The following TRHDE variants were observed in gnomAD, a reference collection of about 807,000 sequenced individuals.
The protein encoded by TRHDE is thyrotropin-releasing hormone-degrading ectoenzyme.
In TRHDE, 72 loss-of-function variants were observed where a neutral mutation model predicts 125.7. The observed-to-expected ratio is 0.57, with a 90% CI of 0.47 to 0.70. The LOEUF (loss-of-function observed/expected upper bound fraction) is 0.70. Ranked by LOEUF, TRHDE falls within the 30% of genes least tolerant of loss-of-function variation. TRHDE has a pLI of 0.00. For missense variants in TRHDE, 1,110 were observed against 1,327.1 expected (o/e 0.84, Z 2.54); for synonymous variants, 509 against 509.1 (o/e 1.00, Z 0.00).
chr12:72,607,547 TTTTC>T (rs1288255184), intron 12 of TRHDE, among the ~76,000 whole-genome samples: 4 of 152,132 alleles, frequency 2.6e-5, no homozygotes, highest in African/African-American at 9.6e-5. Flanking sequence ...TCCTTGATGG[TTTTC>T]TTTATTTTTC....
intron 2 of TRHDE, among the ~76,000 whole-genome samples, chr12:72,172,467 C>A (rs940352060): frequency 6.6e-6 from 1 of 152,188 alleles, no homozygotes; most frequent in Non-Finnish European, 1.5e-5. Flanking sequence ...CCTGTACAAG[C>A]AGTGCCTATA....
intron 3 of TRHDE, among the ~76,000 whole-genome samples, chr12:72,444,528 ACATCCTG>A (rs773314167): frequency 5.1e-4 from 78 of 151,976 alleles, no homozygotes; most frequent in Admixed American, 9.2e-4. Flanking sequence ...ACCAAGAAGT[ACATCCTG>A]CTAAACTTTA....
intron 2 of TRHDE, among the ~76,000 whole-genome samples, chr12:72,260,683 G>C (rs566231526): frequency 7.1e-4 from 108 of 152,304 alleles, no homozygotes; most frequent in Admixed American, 1.2e-3. Context: ...GTGCTGGGCA[G>C]GGAAGAGGAC....
intron 2 of TRHDE, among the ~76,000 whole-genome samples, chr12:72,195,930 G>A (rs12829440): frequency 0.044 from 6,715 of 152,060 alleles, 208 homozygotes; most frequent in South Asian, 0.11. Flanking sequence ...GTCCAGTTTC[G>A]TTCTTCTGCA....
At chr12:72,213,034 A>G (rs12300509) in intron 2 of TRHDE, among the ~76,000 whole-genome samples, 19,862 of 152,188 alleles carry the variant, frequency 0.13, 2,027 homozygotes, top group African/African-American at 0.28. Flanking sequence ...ATGCTACAAT[A>G]TAGATAAACC....
intron 15 of TRHDE, among the ~76,000 whole-genome samples, chr12:72,644,105 G>C (rs1874180695): frequency 6.6e-6 from 1 of 152,110 alleles, no homozygotes; most frequent in East Asian, 1.9e-4. Flanking sequence ...CAATTTATGG[G>C]CATATTCCCT....
intron 6 of TRHDE, among the ~76,000 whole-genome samples, chr12:72,523,093 C>T (rs991288242): frequency 2.6e-4 from 39 of 152,096 alleles, no homozygotes; most frequent in African/African-American, 9.4e-4. Flanking sequence ...TAGGCAGAAG[C>T]CATGATGTTG....
intron 2 of TRHDE, among the ~76,000 whole-genome samples, chr12:72,356,083 G>T (rs1870803430): frequency 6.6e-6 from 1 of 151,736 alleles, no homozygotes; most frequent in Non-Finnish European, 1.5e-5. Context: ...AAAGACACAT[G>T]CAAGAGAATG....
At chr12:72,435,852 A>G (rs937633511) in intron 3 of TRHDE, among the ~76,000 whole-genome samples, 4 of 152,082 alleles carry the variant, frequency 2.6e-5, no homozygotes, top group African/African-American at 9.7e-5. Context: ...CCAGTTCCCA[A>G]GGACATAATT....
chr12:72,182,656 G>T (rs1467869277), intron 2 of TRHDE, among the ~76,000 whole-genome samples: 1 of 152,180 alleles, frequency 6.6e-6, no homozygotes, highest in African/African-American at 2.4e-5. Context: ...CCCTGGTGGA[G>T]AAAGAATACC....
chr12:72,325,571 T>C (rs1451295470), intron 2 of TRHDE, among the ~76,000 whole-genome samples: 1 of 152,094 alleles, frequency 6.6e-6, no homozygotes, highest in Admixed American at 6.6e-5. Context: ...AAAAAAAAGG[T>C]AGTATTTTCC....
chr12:72,637,363 C>T (rs1873807548), intron 15 of TRHDE, among the ~76,000 whole-genome samples: 1 of 152,070 alleles, frequency 6.6e-6, no homozygotes, highest in African/African-American at 2.4e-5. Flanking sequence ...CCTTTATCAT[C>T]TTTTATTGCA....
chr12:72,663,201 G>C lies in TRHDE; in HGVS notation c.*6G>C. ...GAAAAGCTCTAAGACACTAATATAT[G>C]TATCTTATAAACAAACAATTCAACT... On this transcript the variant is annotated 3_prime_UTR_variant, in exon 19 of 19. Coordinates refer to ENST00000261180, the MANE Select transcript of TRHDE (RefSeq NM_013381.3). 6.3e-7 allele frequency: 1 copy of C among 1,591,234 alleles called. No homozygotes were observed. The highest frequency in any genetic ancestry group is 8.6e-7 in the Non-Finnish European group (1 of 1,169,558).
At chr12:72,218,820 A>T (rs1192740783) in intron 2 of TRHDE, among the ~76,000 whole-genome samples, 1 of 152,142 alleles carries the variant, frequency 6.6e-6, no homozygotes, top group Non-Finnish European at 1.5e-5. Flanking sequence ...CCCACCCAAA[A>T]TCTGGATGAC....
At chr12:72,554,100 G>A (rs896207958) in intron 7 of TRHDE, among the ~76,000 whole-genome samples, 5 of 151,808 alleles carry the variant, frequency 3.3e-5, no homozygotes, top group South Asian at 2.1e-4. Flanking sequence ...CATGCGCTTC[G>A]GCCTCCCAAA....
chr12:72,470,356 A>G (rs192355927), intron 4 of TRHDE, among the ~76,000 whole-genome samples: 6 of 152,340 alleles, frequency 3.9e-5, no homozygotes, highest in Admixed American at 2.6e-4. Flanking sequence ...TTCCCACCAC[A>G]TAGACACTTA....
upstream of TRHDE, among the ~76,000 whole-genome samples, chr12:72,268,575 T>A (rs1261276800): frequency 6.6e-6 from 1 of 152,060 alleles, no homozygotes; most frequent in African/African-American, 2.4e-5. Context: ...CCAAGCTGTT[T>A]CTGGACATGA....
chr12:72,101,665 G>C (rs1021135738), intron 1 of TRHDE, among the ~76,000 whole-genome samples: 2 of 152,170 alleles, frequency 1.3e-5, no homozygotes, highest in Non-Finnish European at 2.9e-5. Flanking sequence ...GATCTTGAAG[G>C]TAATAATATT....
At chr12:72,437,934 A>G (rs1874818089) in intron 3 of TRHDE, among the ~76,000 whole-genome samples, 2 of 151,614 alleles carry the variant, frequency 1.3e-5, no homozygotes, top group African/African-American at 4.8e-5. Flanking sequence ...AACCCACCCC[A>G]ATCACCCCAG....
Sources: allele counts gnomAD v4.1 joint callset (sites outside exome capture counted in the v4.1 genomes callset), GRCh38; gene constraint gnomAD v4.1.1; transcripts MANE v1.5; gene names NCBI Gene and HGNC (gene_info 2026-07-23, HGNC 2026-07-21).